The following UPF2 variants were observed in gnomAD, a reference collection of about 807,000 sequenced individuals.
UPF2 encodes regulator of nonsense transcripts 2.
In UPF2, 17 loss-of-function variants were observed where a neutral mutation model predicts 141.4. The observed-to-expected ratio is 0.12, with a 90% CI of 0.08 to 0.18. The LOEUF is 0.18. UPF2 is among the 10% of genes least tolerant of loss of function. The pLI is 1.00. For synonymous variants in UPF2, 540 were observed against 498.0 expected, an observed-to-expected ratio of 1.08 and a Z score of -1.12; for missense variants, 1,152 against 1,515.9, an observed-to-expected ratio of 0.76 and a Z score of 3.99.
intron 11 of UPF2, 47 bp downstream of exon 11, chr10:11,963,962 G>C: frequency 1.5e-6 from 2 of 1,377,748 alleles, no homozygotes; most frequent in Non-Finnish European, 2.0e-6. Flanking sequence ...CTGAAGCACA[G>C]GTAAATCAAG....
In UPF2 at chr10:11,940,212, A is replaced by G. The variant is rs991416232; in HGVS notation, c.3378+2453T>C. ...AATTCGAACTTCCCTCCTCGATTACATCTTCCCATCCTTCCAGCTTGCTTC... is the reference window on the plus strand; with the variant it reads ...AATTCGAACTTCCCTCCTCGATTACGTCTTCCCATCCTTCCAGCTTGCTTC... On this transcript the variant is annotated intron_variant, in intron 18 of 21. Transcript: ENST00000357604. This position sits in a 1 kb window ranked among gnomAD's most constrained non-coding sequence, Gnocchi z 4.2. Among the ~76,000 whole-genome samples, 11 of 152,200 alleles carry G rather than the reference A, an allele frequency of 7.2e-5. No homozygotes were observed. Among genetic ancestry groups the G allele is most frequent in the South Asian group, 2.1e-4 (1 of 4,834 alleles).
chr10:12,024,931 C>CAAAAAAAA (rs61678431), intron 3 of UPF2, among the ~76,000 whole-genome samples: 9 of 53,486 alleles, frequency 1.7e-4, no homozygotes, highest in East Asian at 1.2e-3. Flanking sequence ...GACCCTGTTA[C>CAAAAAAAA]AAAAAAAAAA....
intron 14 of UPF2, among the ~76,000 whole-genome samples, chr10:11,954,219 TA>T (rs1355177056): frequency 2.0e-5 from 3 of 152,186 alleles, no homozygotes; most frequent in Non-Finnish European, 4.4e-5. Flanking sequence ...CAAGTTTATA[TA>T]ATAACCCAAC....
chr10:11,958,317 T>C (rs898344953), intron 12 of UPF2, among the ~76,000 whole-genome samples: 1 of 152,246 alleles, frequency 6.6e-6, no homozygotes, highest in Non-Finnish European at 1.5e-5. Flanking sequence ...ATGGATACTA[T>C]TAGCCAATTG....
At chr10:11,961,127 T>C (rs1025973279) in intron 11 of UPF2, among the ~76,000 whole-genome samples, 1 of 151,072 alleles carries the variant, frequency 6.6e-6, no homozygotes, top group African/African-American at 2.4e-5. Flanking sequence ...TACTTATTAG[T>C]GTTATGCACT....
At position 11,921,252 on chromosome 10, in the gene UPF2, C is replaced by T. The variant is rs1832639312; in HGVS notation, c.*46G>A. On this transcript the variant is annotated 3_prime_UTR_variant, in exon 22 of 22. Coordinates refer to ENST00000357604, the MANE Select transcript of UPF2 (RefSeq NM_015542.4). This position sits in a 1 kb window ranked among gnomAD's most constrained non-coding sequence, Gnocchi z 5.9. ...TCAATTGCTGGAGGACTCCACTAAC[C>T]ACAACATCAGATACAGGACCTAATG... 1.2e-6 allele frequency: 2 copies of T among 1,613,962 alleles called. No homozygotes were observed. Among genetic ancestry groups the T allele is most frequent in the Non-Finnish European group, 1.7e-6 (2 of 1,179,884 alleles).
chr10:11,949,755 G>C (rs1039811763), intron 15 of UPF2, among the ~76,000 whole-genome samples: 5 of 152,038 alleles, frequency 3.3e-5, no homozygotes, highest in African/African-American at 1.2e-4. Flanking sequence ...TTCCAAACCA[G>C]AATTAAATAA....
At chr10:11,943,790 T>C (rs1466191251) in intron 16 of UPF2, among the ~76,000 whole-genome samples, 1 of 151,984 alleles carries the variant, frequency 6.6e-6, no homozygotes, top group African/African-American at 2.4e-5. Flanking sequence ...CTCCCCTAAC[T>C]GGTGGTTTTC....
In UPF2 at chr10:12,007,347, C is replaced by T. The variant is rs1004702766; in HGVS notation, c.1307-2620G>A. On this transcript the variant is annotated intron_variant, in intron 4 of 21. Transcript: ENST00000357604. ...AGAATGTAATGCATCTGACAGTAAA[C>T]TTTCACTTTTTAATCTATAATATGC... 3.3e-5 allele frequency among the ~76,000 whole-genome samples: 5 copies of T among 152,084 alleles called. No individual in the cohort carries two copies. The East Asian group carries it at 7.7e-4, about 23-fold the overall frequency.
chr10:12,014,181 G>C lies in UPF2; in HGVS notation c.1149C>G (p.Arg383=), dbSNP rs377321085. 2 of 1,443,240 alleles carry C rather than the reference G, an allele frequency of 1.4e-6. No homozygotes were observed. The highest frequency in any genetic ancestry group is 4.6e-5 in the Admixed American group (2 of 43,256). 89.4% of individuals were successfully genotyped at this position (1,443,240 alleles called of 1,614,324 possible). A position where few individuals can be genotyped will look rare whatever the true frequency, so the allele number is the denominator to read the frequency against. The change falls in exon 4 of 22, where the codon CGC becomes CGG. Residue 383 remains arginine (R), a synonymous_variant. Transcript: ENST00000357604. The surrounding 1 kb of genome is among the most constrained non-coding windows in gnomAD (Gnocchi z 5.0). ...TGAGCTCCCCTTTAGAATGTAGAAT[G>C]CGCCTATAAACAAATGAAATCATCT... ...ELQNTERQNR[R]ILHSKGELSE...
Position 11,921,086 on chromosome 10 carries a change from C to A in UPF2, c.*212G>T, listed in dbSNP as rs1404540843. 2.6e-6 allele frequency: 2 copies of A among 775,120 alleles called. No individual in the cohort carries two copies. The highest frequency in any genetic ancestry group is 3.4e-5 in the African/African-American group (2 of 58,938). The allele number at this position is 775,120 out of a possible 1,614,324, so 48.0% of individuals were successfully genotyped here. Reference sequence around the variant, plus strand: ...CTCGCGAGATTTCCATTACAAAAGGCCTTTTCCGCCTTGTCTGGAAGCGTC... The same window carrying A: ...CTCGCGAGATTTCCATTACAAAAGGACTTTTCCGCCTTGTCTGGAAGCGTC... On this transcript the variant is annotated 3_prime_UTR_variant, in exon 22 of 22. Coordinates refer to ENST00000357604, the MANE Select transcript of UPF2 (RefSeq NM_015542.4). This position sits in a 1 kb window ranked among gnomAD's most constrained non-coding sequence, Gnocchi z 5.9.
chr10:12,027,309 C>T (rs1348291992), intron 3 of UPF2, among the ~76,000 whole-genome samples: 1 of 152,180 alleles, frequency 6.6e-6, no homozygotes, highest in Non-Finnish European at 1.5e-5. Context: ...TCTCCACTCT[C>T]CAAGATTCTG....
chr10:12,031,965 A>T (rs1834531887), intron 2 of UPF2, among the ~76,000 whole-genome samples: 1 of 152,200 alleles, frequency 6.6e-6, no homozygotes, highest in Non-Finnish European at 1.5e-5. Flanking sequence ...AGCAACACAC[A>T]AATACAAAAT....
At chr10:12,007,704 A>T (rs1834057436) in intron 4 of UPF2, among the ~76,000 whole-genome samples, 1 of 151,654 alleles carries the variant, frequency 6.6e-6, no homozygotes, top group Non-Finnish European at 1.5e-5. Context: ...GGTGGCAGGC[A>T]CCTGTAGTCC....
chr10:11,964,928 T>C (rs1166161182), intron 10 of UPF2, among the ~76,000 whole-genome samples: 4 of 152,208 alleles, frequency 2.6e-5, no homozygotes, highest in Non-Finnish European at 5.9e-5. Flanking sequence ...TTATGTCTCA[T>C]ATAACCTTAT....
chr10:11,970,148 G>C (rs1564349521), intron 9 of UPF2, among the ~76,000 whole-genome samples: 1 of 152,066 alleles, frequency 6.6e-6, no homozygotes, highest in African/African-American at 2.4e-5. Context: ...CTGCCCACTT[G>C]GTAAAGTAAG....
At chr10:12,008,296 T>A (rs1834068659) in intron 4 of UPF2, among the ~76,000 whole-genome samples, 2 of 151,830 alleles carry the variant, frequency 1.3e-5, no homozygotes, top group African/African-American at 4.8e-5. Context: ...GACTTCAAAT[T>A]TAAAAATTAA....
chr10:11,948,116 C>T (rs575911341), intron 16 of UPF2, among the ~76,000 whole-genome samples: 209 of 151,718 alleles, frequency 1.4e-3, no homozygotes, highest in Non-Finnish European at 2.3e-3. Flanking sequence ...GGCGTGGTGG[C>T]GAGTGCTTGT....
In UPF2 at chr10:11,953,162, C is replaced by G. The variant is rs986073213; in HGVS notation, c.2851-913G>C. Among the ~76,000 whole-genome samples the G allele has an allele frequency of 1.3e-5, 2 of 152,120 alleles. No individual in the cohort carries two copies. Among genetic ancestry groups the G allele is most frequent in the African/African-American group, 4.8e-5 (2 of 41,402 alleles). Reference sequence around the variant, plus strand: ...AATTTACATTAACTGAAAGCACAACCCAAGAATTTACTAGTATATGAACAG... The same window carrying G: ...AATTTACATTAACTGAAAGCACAACGCAAGAATTTACTAGTATATGAACAG... On this transcript the variant is annotated intron_variant, in intron 14 of 21. Transcript: ENST00000357604. The surrounding 1 kb of genome is among the most constrained non-coding windows in gnomAD (Gnocchi z 5.0).
Sources: allele counts gnomAD v4.1 joint callset (sites outside exome capture counted in the v4.1 genomes callset), GRCh38; gene constraint gnomAD v4.1.1; non-coding constraint Gnocchi (gnomAD v3.1); transcripts MANE v1.5; gene names NCBI Gene and HGNC (gene_info 2026-07-23, HGNC 2026-07-21).